The following PLCG2 variants were observed in gnomAD, a reference collection of about 807,000 sequenced individuals.
PLCG2 encodes the protein phospholipase C gamma 2.
A neutral mutation model predicts 175.6 loss-of-function variants in PLCG2; 69 were observed. The ratio of observed to expected loss-of-function variants is 0.39; its 90% CI spans 0.32 to 0.48. The LOEUF is 0.48. PLCG2 is among the 20% of genes least tolerant of loss of function. The probability of loss-of-function intolerance (pLI) is 0.91; values close to 1 mark genes in which losing one functional copy is unlikely to be tolerated. For synonymous variants in PLCG2, 827 were observed against 624.0 expected (o/e 1.33, Z -4.85); for missense variants, 1,798 against 1,650.9 (o/e 1.09, Z -1.54).
At chr16:81,755,246 G>C (rs191276086) in intron 1 of PLCG2, among the ~76,000 whole-genome samples, 6 of 152,108 alleles carry the variant, frequency 3.9e-5, no homozygotes, top group African/African-American at 1.4e-4. Flanking sequence ...ACCCAGGCTG[G>C]AGTACGGTGC....
At chr16:81,776,083 C>CGTTCGTTCTTTCTTTCTTTCTT (rs1413572575), upstream of PLCG2, among the ~76,000 whole-genome samples, 1 of 81,848 alleles carries the variant, frequency 1.2e-5, no homozygotes, top group Non-Finnish European at 2.7e-5. Flanking sequence ...TTCTCTCTCT[C>CGTTCGTTCTTTCTTTCTTTCTT]TCTCTCTTTC....
intron 13 of PLCG2, chr16:81,897,805 A>G (rs758330503): frequency 8.8e-6 from 4 of 455,382 alleles, no homozygotes; most frequent in South Asian, 6.2e-5. Context: ...TCAACCTCCC[A>G]AAGTGTGGGG....
intron 9 of PLCG2, among the ~76,000 whole-genome samples, chr16:81,884,582 C>A (rs1477806389): frequency 6.8e-6 from 1 of 146,264 alleles, no homozygotes; most frequent in East Asian, 2.0e-4. Flanking sequence ...TTGTGGGGAT[C>A]AGAGTCAATT....
chr16:81,836,917 C>T (rs1186418097), intron 2 of PLCG2, among the ~76,000 whole-genome samples: 1 of 152,156 alleles, frequency 6.6e-6, no homozygotes, highest in Non-Finnish European at 1.5e-5. Context: ...TGCACACGGG[C>T]ATGTACTCAG....
rs4996272 is a variant in PLCG2, at chr16:81,940,183, T to G, written c.3481+124T>G. On this transcript the variant is annotated intron_variant, in intron 30 of 32. Coordinates refer to ENST00000564138, the MANE Select transcript of PLCG2 (RefSeq NM_002661.5). Reference sequence around the variant, plus strand: ...TGGATGGAATCACTGTAAAACCGATTGGGTGGCTTGGAGAGCAGGTGTACA... The same window carrying G: ...TGGATGGAATCACTGTAAAACCGATGGGGTGGCTTGGAGAGCAGGTGTACA... The G allele has an allele frequency of 2.5e-4, 204 of 812,198 alleles. No individual in the cohort carries two copies. In the African/African-American group the frequency reaches 3.2e-3, roughly 13 times the overall value. 50.3% of individuals were successfully genotyped at this position (812,198 alleles called of 1,614,324 possible). A position where few individuals can be genotyped will look rare whatever the true frequency, so the allele number is the denominator to read the frequency against.
chr16:81,837,484 C>G (rs1488365948), intron 2 of PLCG2, among the ~76,000 whole-genome samples: 2 of 152,196 alleles, frequency 1.3e-5, no homozygotes, highest in Non-Finnish European at 2.9e-5. Context: ...AAGGCGGAGC[C>G]CAGAGGTGGC....
chr16:81,919,459 C>G, intron 19 of PLCG2, 25 bp from the exon 20 acceptor site: 1 of 1,598,282 alleles, frequency 6.3e-7, no homozygotes, highest in Non-Finnish European at 8.6e-7. Flanking sequence ...CTTGGCATGT[C>G]AACCCTGTGT....
At chr16:81,872,038 T>C (rs1338146876) in intron 7 of PLCG2, among the ~76,000 whole-genome samples, 3 of 152,146 alleles carry the variant, frequency 2.0e-5, no homozygotes, top group Admixed American at 6.6e-5. Flanking sequence ...TTAAAAATCA[T>C]AGAATACAGG....
chr16:81,782,066 C>A (rs568283471), intron 1 of PLCG2, among the ~76,000 whole-genome samples: 1 of 151,948 alleles, frequency 6.6e-6, no homozygotes, highest in African/African-American at 2.4e-5. Context: ...TTAGTAGAGA[C>A]GGGGTTTCAT....
At chr16:81,748,437 G>A (rs909254452) in intron 1 of PLCG2, among the ~76,000 whole-genome samples, 3 of 151,920 alleles carry the variant, frequency 2.0e-5, no homozygotes, top group Non-Finnish European at 2.9e-5. Context: ...AAGGTGCAGA[G>A]CAGAGTATGC....
chr16:81,837,643 T>G (rs1478347928), intron 2 of PLCG2, among the ~76,000 whole-genome samples: 1 of 151,840 alleles, frequency 6.6e-6, no homozygotes, highest in Admixed American at 6.6e-5. Context: ...CCTTTCCGTC[T>G]TCCTGATTAT....
chr16:81,791,062 C>G (rs1911209546), intron 2 of PLCG2, among the ~76,000 whole-genome samples: 1 of 152,162 alleles, frequency 6.6e-6, no homozygotes, highest in Non-Finnish European at 1.5e-5. Context: ...GGAATTTTCT[C>G]ATTTGTTCAG....
intron 26 of PLCG2, among the ~76,000 whole-genome samples, 164 bp downstream of exon 26, chr16:81,934,695 C>T (rs1910636343): frequency 6.6e-6 from 1 of 152,018 alleles, no homozygotes; most frequent in African/African-American, 2.4e-5. Flanking sequence ...GAGCTGGTGG[C>T]AGAAGCTTTT....
intron 10 of PLCG2, chr16:81,889,536 T>C (rs151169453): frequency 1.1e-4 from 34 of 310,282 alleles, no homozygotes; most frequent in Admixed American, 2.5e-4. Flanking sequence ...GGAATTGCAA[T>C]AGGGAAAGAG....
At chr16:81,861,162 G>A (rs11643838) in intron 5 of PLCG2, among the ~76,000 whole-genome samples, 50,918 of 151,934 alleles carry the variant, frequency 0.34, 8,890 homozygotes, top group East Asian at 0.57. Flanking sequence ...CTCACGTGAG[G>A]CACCTTATTT....
At chr16:81,763,596 A>G (rs1597306291) in intron 2 of PLCG2, among the ~76,000 whole-genome samples, 1 of 152,172 alleles carries the variant, frequency 6.6e-6, no homozygotes, top group Non-Finnish European at 1.5e-5. Flanking sequence ...TGGGGCTCCT[A>G]AGTTGTGTGC....
At chr16:81,835,310 A>G (rs912739289) in intron 2 of PLCG2, among the ~76,000 whole-genome samples, 1 of 152,208 alleles carries the variant, frequency 6.6e-6, no homozygotes, top group African/African-American at 2.4e-5. Flanking sequence ...ATAATAATGA[A>G]GATGGCCGGG....
At chr16:81,843,691 A>ATCC (rs1472481791) in intron 2 of PLCG2, among the ~76,000 whole-genome samples, 7 of 152,230 alleles carry the variant, frequency 4.6e-5, no homozygotes, top group Non-Finnish European at 1.0e-4. Context: ...ATATTCTTCT[A>ATCC]TCCTCCAACT....
intron 13 of PLCG2, chr16:81,897,780 G>C: frequency 2.2e-6 from 1 of 452,864 alleles, no homozygotes; most frequent in Non-Finnish European, 4.4e-6. Context: ...CATGACCTCA[G>C]GTGATCCTCC....
Sources: gnomAD v4.1 joint callset for allele counts (sites outside exome capture counted in the v4.1 genomes callset) on GRCh38, gnomAD v4.1.1 for gene constraint, MANE v1.5 for transcripts, NCBI Gene and HGNC (gene_info 2026-07-23, HGNC 2026-07-21) for gene names.